Variants in TOX2 observed in about 807,000 individuals in gnomAD.
TOX2 encodes the protein granulosa cell HMG box 1.
A neutral mutation model predicts 47.4 loss-of-function variants in TOX2; 15 were observed. That is an observed-to-expected ratio of 0.32 (90% CI 0.21 to 0.49). TOX2 has a LOEUF of 0.49. TOX2 is among the 20% of genes least tolerant of loss of function. The pLI, the probability that TOX2 is intolerant of heterozygous loss-of-function variation, is 0.99. For missense variants in TOX2, 622 were observed against 673.1 expected, an observed-to-expected ratio of 0.92 and a Z score of 0.84; for synonymous variants, 290 against 296.6, an observed-to-expected ratio of 0.98 and a Z score of 0.23.
Position 43,957,567 on chromosome 20 carries a change from CTTT to C in TOX2, c.100-15782_100-15780del, listed in dbSNP as rs35133028. On this transcript the variant is annotated intron_variant, in intron 1 of 8. Transcript: ENST00000341197. ...TTACCTGGCATAAAGTAAATGCCCTCTTTTTTTTTTTTTTTTTTTTGGCTTAAA... is the reference window on the plus strand; with the variant it reads ...TTACCTGGCATAAAGTAAATGCCCTCTTTTTTTTTTTTTTTTTGGCTTAAA... Among the ~76,000 whole-genome samples, 739 of 105,742 alleles carry C rather than the reference CTTT, an allele frequency of 7.0e-3. 6 individuals are homozygous for C. The highest frequency in any genetic ancestry group is 0.023 in the African/African-American group (692 of 30,496). The allele number at this position is 105,742 out of a possible 152,430, so 69.4% of individuals were successfully genotyped here.
Position 44,051,351 on chromosome 20 carries a change from C to T in TOX2, c.457C>T (p.Arg153Trp), listed in dbSNP as rs773438850. ...HSEVAAYDSG[R>W]PGPLLGRPAM... ...GGAAGTGGCTGCCTATGACTCGGGC[C>T]GGCCCGGGCCCCTGCTGGGTCGCCC... Residue 153 changes from arginine to tryptophan, a missense_variant, in exon 4 of 9, where the codon CGG becomes TGG. Arg to Trp is a moderately radical substitution (Grantham distance 101, BLOSUM62 -3). Around this residue, in one of 3 missense-constraint regions of TOX2, gnomAD observed 307 missense variants for 327.3 expected, o/e 0.94. Coordinates refer to ENST00000341197, the MANE Select transcript of TOX2 (RefSeq NM_001098797.2). 85 of 1,613,152 alleles carry T rather than the reference C, an allele frequency of 5.3e-5. No individual in the cohort carries two copies. Among genetic ancestry groups the T allele is most frequent in the Middle Eastern group, 1.6e-4 (1 of 6,074 alleles).
At chr20:44,054,549 G>A (rs1262080544) in intron 5 of TOX2, 23 bp downstream of exon 5, 4 of 1,605,128 alleles carry the variant, frequency 2.5e-6, no homozygotes, top group Non-Finnish European at 3.4e-6. Context: ...CTCTTTCTGG[G>A]CCATCCCCTG....
intron 1 of TOX2, among the ~76,000 whole-genome samples, chr20:43,956,919 C>T (rs2069678326): frequency 6.6e-6 from 1 of 152,114 alleles, no homozygotes; most frequent in Admixed American, 6.5e-5. Context: ...TGTCTGTTGG[C>T]ATCTTGCTTT....
chr20:44,065,803 G>A lies in TOX2; in HGVS notation c.1052G>A (p.Gly351Asp). 6.2e-7 allele frequency: 1 copy of A among 1,613,782 alleles called. No individual in the cohort carries two copies. The highest frequency in any genetic ancestry group is 8.5e-7 in the Non-Finnish European group (1 of 1,179,706). The stretch of plus-strand genomic sequence containing the variant: ...AAGCAGCCCATGTATGCCATGCCAG[G>A]CCTGGCCTCCTTCCTGACGCCGTCG... ...PPKQPMYAMP[G>D]LASFLTPSDL... The change falls in exon 7 of 9, where the codon GGC becomes GAC. Residue 351 changes from glycine to aspartate, a missense_variant. Gly to Asp is a moderately conservative substitution (Grantham distance 94). This residue lies in a region of TOX2 where 294 missense variants were observed against 300.0 expected (regional missense o/e 0.98). Coordinates refer to ENST00000341197, the MANE Select transcript of TOX2 (RefSeq NM_001098797.2).
chr20:43,993,795 C>G (rs2070413391), intron 2 of TOX2, among the ~76,000 whole-genome samples: 1 of 152,172 alleles, frequency 6.6e-6, no homozygotes, highest in African/African-American at 2.4e-5. Flanking sequence ...GTTTGCTGGG[C>G]TTTTGTGTAG....
chr20:44,002,235 G>T (rs1200498270), intron 2 of TOX2, among the ~76,000 whole-genome samples: 4 of 152,186 alleles, frequency 2.6e-5, no homozygotes, highest in Non-Finnish European at 4.4e-5. Flanking sequence ...AATTCCTTGT[G>T]TGTGTCCCCC....
intron 1 of TOX2, among the ~76,000 whole-genome samples, chr20:43,922,979 T>C (rs975773517): frequency 3.9e-5 from 6 of 152,132 alleles, no homozygotes; most frequent in African/African-American, 7.2e-5. Context: ...AAATATAAAA[T>C]TGGCTGAGCA....
intron 8 of TOX2, among the ~76,000 whole-genome samples, chr20:44,067,906 C>T (rs1006946949): frequency 1.6e-4 from 25 of 152,230 alleles, no homozygotes; most frequent in Admixed American, 9.8e-4. Context: ...GAAGGCACAG[C>T]GCACTTGTCG....
chr20:43,920,756 AC>A (rs2069104603), intron 1 of TOX2, among the ~76,000 whole-genome samples: 1 of 152,108 alleles, frequency 6.6e-6, no homozygotes, highest in East Asian at 1.9e-4. Context: ...CAAACCGGTG[AC>A]CATCAGCCTA....
At chr20:44,035,662 G>A (rs892971609) in intron 3 of TOX2, among the ~76,000 whole-genome samples, 5 of 152,226 alleles carry the variant, frequency 3.3e-5, no homozygotes, top group African/African-American at 1.2e-4. Flanking sequence ...CTGATGCGTG[G>A]GGAGAGGCTG....
At chr20:43,971,288 A>G (rs1350599925) in intron 1 of TOX2, among the ~76,000 whole-genome samples, 1 of 152,248 alleles carries the variant, frequency 6.6e-6, no homozygotes, top group East Asian at 1.9e-4. Flanking sequence ...TCTAATCATA[A>G]GCAATGAATA....
intron 8 of TOX2, 146 bp from the exon 9 acceptor site, chr20:44,068,504 G>A (rs2071875242): frequency 1.2e-6 from 1 of 828,152 alleles, no homozygotes; most frequent in Non-Finnish European, 1.8e-6. Context: ...GTGGGGGTGG[G>A]ACTTGCAGAT....
At chr20:43,917,899 C>T (rs2069075370) in intron 1 of TOX2, among the ~76,000 whole-genome samples, 3 of 151,992 alleles carry the variant, frequency 2.0e-5, no homozygotes, top group South Asian at 2.1e-4. Flanking sequence ...GATTTGTGGC[C>T]CCATGGCTCC....
At chr20:43,926,407 G>A (rs140038053) in intron 1 of TOX2, among the ~76,000 whole-genome samples, 1 of 152,160 alleles carries the variant, frequency 6.6e-6, no homozygotes, top group Non-Finnish European at 1.5e-5. Context: ...CTTATAAGCT[G>A]TATGACTTTG....
At position 43,993,626 on chromosome 20, in the gene TOX2, C is replaced by T. The variant is rs896720776; in HGVS notation, c.166-12921C>T. Among the ~76,000 whole-genome samples the T allele has an allele frequency of 2.8e-4, 42 of 152,158 alleles. 1 individual carries two copies. Among genetic ancestry groups the T allele is most frequent in the Non-Finnish European group, 1.5e-5 (1 of 68,034 alleles). ...TGGCCCTTGGACCAAATCTGACCCT[C>T]CACCTGTTTTGTGTAAATAAAGCTT... On this transcript the variant is annotated intron_variant, in intron 2 of 8. Transcript: ENST00000341197.
At chr20:44,006,349 A>G (rs536682037) in intron 2 of TOX2, among the ~76,000 whole-genome samples, 198 bp from the exon 3 acceptor site, 1 of 152,244 alleles carries the variant, frequency 6.6e-6, no homozygotes, top group South Asian at 2.1e-4. Context: ...GTGGGAGGAA[A>G]CATCTGTTTG....
intron 1 of TOX2, among the ~76,000 whole-genome samples, chr20:43,963,521 A>C (rs562398569): frequency 6.6e-6 from 1 of 152,238 alleles, no homozygotes; most frequent in South Asian, 2.1e-4. Context: ...TACTCTTAGG[A>C]GTCAGCAGCC....
chr20:44,051,736 G>C (rs2071516210), intron 4 of TOX2, among the ~76,000 whole-genome samples, 191 bp downstream of exon 4: 1 of 152,204 alleles, frequency 6.6e-6, no homozygotes, highest in Non-Finnish European at 1.5e-5. Context: ...AGAGCTCAGT[G>C]GTTTTCTGTT....
intron 1 of TOX2, among the ~76,000 whole-genome samples, chr20:43,926,422 T>C (rs1431475979): frequency 6.6e-6 from 1 of 152,214 alleles, no homozygotes; most frequent in Non-Finnish European, 1.5e-5. Context: ...ACTTTGGACC[T>C]GTCACTTAGC....
Sources: allele counts gnomAD v4.1 joint callset (sites outside exome capture counted in the v4.1 genomes callset), GRCh38; gene constraint gnomAD v4.1.1; regional missense constraint gnomAD v4.1.1; transcripts MANE v1.5; gene names NCBI Gene and HGNC (gene_info 2026-07-23, HGNC 2026-07-21).